The following CDH12 variants were observed in gnomAD, a reference collection of about 807,000 sequenced individuals.
CDH12 encodes cadherin 12.
A neutral mutation model predicts 74.1 loss-of-function variants in CDH12; 41 were observed. The ratio of observed to expected loss-of-function variants is 0.55; its 90% confidence interval spans 0.43 to 0.72. CDH12 has a LOEUF of 0.72. Among genes scored for constraint, CDH12 ranks in the 30% least tolerant of loss-of-function variants. The probability of loss-of-function intolerance (pLI) is 0.00; values close to 1 mark genes in which losing one functional copy is unlikely to be tolerated. For missense variants in CDH12, 945 were observed against 977.2 expected (o/e 0.97, Z 0.44); for synonymous variants, 399 against 355.0 (o/e 1.12, Z -1.39).
intron 1 of CDH12, among the ~76,000 whole-genome samples, chr5:22,569,047 CTCTT>C (rs1561496365): frequency 2.0e-5 from 3 of 152,116 alleles, no homozygotes; most frequent in African/African-American, 7.2e-5. Flanking sequence ...CATCCATTGA[CTCTT>C]TCTTTCACTA....
At chr5:21,886,042 A>T (rs1752611004) in intron 6 of CDH12, among the ~76,000 whole-genome samples, 1 of 152,116 alleles carries the variant, frequency 6.6e-6, no homozygotes, top group African/African-American at 2.4e-5. Flanking sequence ...TGAAAATAAA[A>T]TTTTTGGTTA....
rs897001349 is a variant in CDH12 at position 22,018,538 on chromosome 5, A to C, written c.232-43153T>G. On this transcript the variant is annotated intron_variant, in intron 5 of 14. Transcript: ENST00000382254. ...TGGATGAATGAATGGGCAAATGCAC[A>C]AGAACATGCACAAATAGCAAGTAGG... Among the ~76,000 whole-genome samples, 8 of 152,346 alleles carry C rather than the reference A, an allele frequency of 5.3e-5. No individual in the cohort carries two copies. The East Asian group carries it at 1.5e-3, about 29-fold the overall frequency.
chr5:22,330,053 T>C (rs776941082), intron 3 of CDH12, among the ~76,000 whole-genome samples: 1 of 152,176 alleles, frequency 6.6e-6, no homozygotes, highest in Non-Finnish European at 1.5e-5. Flanking sequence ...TTATGCTTCT[T>C]CCAACCTCAG....
At chr5:22,827,277 C>T (rs1045006966) in intron 1 of CDH12, among the ~76,000 whole-genome samples, 4 of 152,170 alleles carry the variant, frequency 2.6e-5, no homozygotes, top group Non-Finnish European at 4.4e-5. Flanking sequence ...TTGAGGTCTC[C>T]GCCTAGATTT....
intron 6 of CDH12, chr5:21,883,266 C>T (rs1394944932): frequency 5.1e-6 from 7 of 1,374,130 alleles, no homozygotes; most frequent in Non-Finnish European, 7.3e-6. Context: ...GTATATTTCT[C>T]CATACTTTAT....
intron 11 of CDH12, chr5:21,774,283 C>T (rs1579675885): frequency 6.6e-6 from 1 of 152,208 alleles, no homozygotes; most frequent in Admixed American, 6.5e-5. Context: ...TTCATCATTC[C>T]CTTGTGCTGG....
chr5:22,642,550 C>G (rs1425365872), intron 1 of CDH12, among the ~76,000 whole-genome samples: 1 of 152,100 alleles, frequency 6.6e-6, no homozygotes, highest in Non-Finnish European at 1.5e-5. Flanking sequence ...ACTTACGGAG[C>G]CCAGTTAATC....
intron 4 of CDH12, among the ~76,000 whole-genome samples, chr5:22,109,380 T>C (rs1744684558): frequency 6.6e-6 from 1 of 152,228 alleles, no homozygotes; most frequent in Non-Finnish European, 1.5e-5. Context: ...AGGAGTCCTC[T>C]GCTGTAATGC....
intron 12 of CDH12, among the ~76,000 whole-genome samples, chr5:21,760,922 A>T (rs762291825): frequency 6.6e-6 from 1 of 152,308 alleles, no homozygotes; most frequent in African/African-American, 2.4e-5. Flanking sequence ...TAAAAAGGTA[A>T]CCAGCATTAA....
chr5:21,858,917 G>C (rs1750887892), intron 6 of CDH12, among the ~76,000 whole-genome samples: 1 of 151,794 alleles, frequency 6.6e-6, no homozygotes, highest in Non-Finnish European at 1.5e-5. Flanking sequence ...TATACATTGT[G>C]GAATGACTAA....
At chr5:22,721,897 G>T (rs1009066758) in intron 1 of CDH12, among the ~76,000 whole-genome samples, 3 of 151,990 alleles carry the variant, frequency 2.0e-5, no homozygotes, top group African/African-American at 7.3e-5. Context: ...TTCTCCTTCT[G>T]CCATGATTGT....
At chr5:22,746,543 A>C (rs1049050961) in intron 1 of CDH12, among the ~76,000 whole-genome samples, 5 of 152,222 alleles carry the variant, frequency 3.3e-5, no homozygotes, top group African/African-American at 1.2e-4. Context: ...ACACCAAGAA[A>C]GAGTTAGACA....
At chr5:22,396,031 G>T (rs1233683427) in intron 3 of CDH12, among the ~76,000 whole-genome samples, 5 of 150,648 alleles carry the variant, frequency 3.3e-5, no homozygotes, top group East Asian at 2.0e-4. Flanking sequence ...TATTACAGAA[G>T]TTGATTCATG....
chr5:22,022,197 A>T (rs1399657858), intron 5 of CDH12, among the ~76,000 whole-genome samples: 4 of 152,042 alleles, frequency 2.6e-5, no homozygotes, highest in Admixed American at 6.6e-5. Flanking sequence ...CTGTCTTTCC[A>T]CCCAAATCTC....
intron 1 of CDH12, among the ~76,000 whole-genome samples, chr5:22,821,069 G>A (rs1362423683): frequency 2.0e-5 from 3 of 149,516 alleles, no homozygotes; most frequent in African/African-American, 4.9e-5. Flanking sequence ...GGGATGCAAG[G>A]CTGGTTCAAC....
At chr5:22,663,579 G>A (rs1354706455) in intron 1 of CDH12, among the ~76,000 whole-genome samples, 1 of 152,062 alleles carries the variant, frequency 6.6e-6, no homozygotes. Flanking sequence ...ACAAACAAAA[G>A]TACTTATCTT....
At chr5:21,912,648 A>C (rs1753907711) in intron 6 of CDH12, among the ~76,000 whole-genome samples, 1 of 152,142 alleles carries the variant, frequency 6.6e-6, no homozygotes, top group African/African-American at 2.4e-5. Context: ...GTTAACTTTG[A>C]CTAGACAGTA....
At chr5:22,786,234 T>C (rs1747617411) in intron 1 of CDH12, among the ~76,000 whole-genome samples, 5 of 152,224 alleles carry the variant, frequency 3.3e-5, no homozygotes, top group Admixed American at 3.3e-4. Context: ...AAATTTTTCA[T>C]GTTCTCACTT....
chr5:22,522,195 A>G (rs986299846), intron 1 of CDH12, among the ~76,000 whole-genome samples: 1 of 152,232 alleles, frequency 6.6e-6, no homozygotes, highest in Non-Finnish European at 1.5e-5. Context: ...AACTATAGTT[A>G]GTATGGTATT....
Sources: gnomAD v4.1 joint callset for allele counts (sites outside exome capture counted in the v4.1 genomes callset) on GRCh38, gnomAD v4.1.1 for gene constraint, MANE v1.5 for transcripts, NCBI Gene and HGNC (gene_info 2026-07-23, HGNC 2026-07-21) for gene names.